CDKAL1: variants seen among roughly 807,000 people sequenced by gnomAD.
CDKAL1 encodes the protein CDKAL1 threonylcarbamoyladenosine tRNA methylthiotransferase, also known as threonylcarbamoyladenosine tRNA methylthiotransferase.
CDKAL1 carries 32 observed loss-of-function variants against 68.2 expected under a neutral mutation model. That is an observed-to-expected ratio of 0.47 (90% confidence interval 0.35 to 0.63). The LOEUF (loss-of-function observed/expected upper bound fraction) is 0.63, where lower values mean the gene tolerates loss of function less well. Ranked by LOEUF, CDKAL1 falls within the 30% of genes least tolerant of loss-of-function variation. The pLI, the probability that CDKAL1 is intolerant of heterozygous loss-of-function variation, is 0.00. For missense variants in CDKAL1, 606 were observed against 696.7 expected (o/e 0.87, Z 1.47); for synonymous variants, 234 against 244.3 (o/e 0.96, Z 0.39).
intron 6 of CDKAL1, among the ~76,000 whole-genome samples, chr6:20,745,978 A>T (rs1773648863): frequency 6.6e-6 from 1 of 152,206 alleles, no homozygotes; most frequent in Non-Finnish European, 1.5e-5. Context: ...TCTGTTATTT[A>T]ATAGGAGTAT....
chr6:20,835,288 AC>A lies in CDKAL1; in HGVS notation c.639-10785del, dbSNP rs1259644401. 2.0e-5 allele frequency among the ~76,000 whole-genome samples: 3 copies of A among 152,202 alleles called. No homozygotes were observed. The East Asian group carries it at 5.8e-4, about 29-fold the overall frequency. On this transcript the variant is annotated intron_variant, in intron 8 of 15. Coordinates refer to ENST00000274695, the MANE Select transcript of CDKAL1 (RefSeq NM_017774.3). ...GTACAGTTTATTTTGTGTCAATTTTACCTCAATAAAGCGAAGATTATTAAAA... is the reference window on the plus strand; with the variant it reads ...GTACAGTTTATTTTGTGTCAATTTTACTCAATAAAGCGAAGATTATTAAAA...
chr6:20,989,924 C>G (rs1766702594), intron 10 of CDKAL1, among the ~76,000 whole-genome samples: 1 of 152,068 alleles, frequency 6.6e-6, no homozygotes. Flanking sequence ...GATTTCTTGT[C>G]CTTAACAGAG....
At chr6:20,801,583 A>C (rs1333952429) in intron 8 of CDKAL1, among the ~76,000 whole-genome samples, 1 of 152,176 alleles carries the variant, frequency 6.6e-6, no homozygotes, top group African/African-American at 2.4e-5. Context: ...TATAGACATC[A>C]GTATTTGTAG....
rs916614182 is a variant in CDKAL1, at chr6:20,542,565, C to T, written c.-5-3781C>T. On this transcript the variant is annotated intron_variant, in intron 2 of 15. Transcript: ENST00000274695. ...TGGTAGTACTATCAGTAAGTATATA[C>T]GAGTGTATTCCCCCCCCATTTTTTT... Among the ~76,000 whole-genome samples the T allele has an allele frequency of 7.4e-5, 11 of 149,448 alleles. No homozygotes were observed. The East Asian group carries it at 1.7e-3, about 24-fold the overall frequency.
Position 20,902,311 on chromosome 6 carries a change from TCACACA to T in CDKAL1, c.743-53065_743-53060del, listed in dbSNP as rs71658260. ...TACTTAAAGAAATCACGTGGTGGAT[TCACACA>T]CACACACACACACACACACACACAC... On this transcript the variant is annotated intron_variant, in intron 9 of 15. Coordinates refer to ENST00000274695, the MANE Select transcript of CDKAL1 (RefSeq NM_017774.3). Among the ~76,000 whole-genome samples the T allele has an allele frequency of 5.2e-3, 43 of 8,214 alleles. No homozygotes were observed. The South Asian group carries it at 0.062, about 12-fold the overall frequency. 5.4% of individuals were successfully genotyped at this position (8,214 alleles called of 152,430 possible).
At chr6:20,818,224 G>A (rs1382200641) in intron 8 of CDKAL1, among the ~76,000 whole-genome samples, 1 of 152,042 alleles carries the variant, frequency 6.6e-6, no homozygotes, top group Non-Finnish European at 1.5e-5. Flanking sequence ...CTCAAACTAG[G>A]GTTAGCAGTT....
chr6:21,005,315 G>A (rs1490804140), intron 11 of CDKAL1, among the ~76,000 whole-genome samples: 1 of 152,134 alleles, frequency 6.6e-6, no homozygotes, highest in African/African-American at 2.4e-5. Flanking sequence ...ATGACAACAT[G>A]CGCAGTTCTT....
intron 10 of CDKAL1, among the ~76,000 whole-genome samples, chr6:20,987,548 T>A (rs1024622929): frequency 6.6e-6 from 1 of 152,120 alleles, no homozygotes; most frequent in Admixed American, 6.6e-5. Flanking sequence ...TGAGACACCG[T>A]GCCTGGCTAG....
intron 12 of CDKAL1, among the ~76,000 whole-genome samples, chr6:21,080,223 G>T (rs372878869): frequency 6.6e-6 from 1 of 152,148 alleles, no homozygotes; most frequent in African/African-American, 2.4e-5. Flanking sequence ...AGCCTCAGCT[G>T]TGTAGAGGGA....
At chr6:20,604,428 G>A (rs1766244198) in intron 4 of CDKAL1, among the ~76,000 whole-genome samples, 2 of 152,036 alleles carry the variant, frequency 1.3e-5, no homozygotes, top group South Asian at 4.1e-4. Context: ...CCATCATGGA[G>A]GGGGCAAAGA....
chr6:20,873,183 C>A (rs1036222842), intron 9 of CDKAL1, among the ~76,000 whole-genome samples: 1 of 151,974 alleles, frequency 6.6e-6, no homozygotes, highest in Non-Finnish European at 1.5e-5. Flanking sequence ...ATGAATAAGA[C>A]GATGTTTAAG....
At chr6:20,689,695 G>A (rs1770785415) in intron 5 of CDKAL1, among the ~76,000 whole-genome samples, 1 of 152,012 alleles carries the variant, frequency 6.6e-6, no homozygotes, top group Admixed American at 6.5e-5. Flanking sequence ...GTTGTTACTT[G>A]TTAAAGGTTT....
rs896984563 is a variant in CDKAL1 at position 20,981,754 on chromosome 6, T to C, written c.910-18473T>C. On this transcript the variant is annotated intron_variant, in intron 10 of 15. Coordinates refer to ENST00000274695, the MANE Select transcript of CDKAL1 (RefSeq NM_017774.3). ...TACTTAGGAGGCTGAGGCAGGAGAATTGCTTGAACCTGGGAGGCAGAGGTT... is the reference window on the plus strand; with the variant it reads ...TACTTAGGAGGCTGAGGCAGGAGAACTGCTTGAACCTGGGAGGCAGAGGTT... Among the ~76,000 whole-genome samples the C allele has an allele frequency of 5.3e-5, 8 of 152,254 alleles. No homozygotes were observed. The East Asian group carries it at 1.4e-3, about 26-fold the overall frequency.
intron 5 of CDKAL1, among the ~76,000 whole-genome samples, chr6:20,712,793 C>T (rs771539457): frequency 2.0e-5 from 3 of 151,976 alleles, no homozygotes; most frequent in Non-Finnish European, 4.4e-5. Flanking sequence ...TACAGGCACC[C>T]GCCACCATGC....
chr6:20,639,252 G>A (rs1768051610), intron 4 of CDKAL1, among the ~76,000 whole-genome samples: 1 of 152,114 alleles, frequency 6.6e-6, no homozygotes, highest in Non-Finnish European at 1.5e-5. Flanking sequence ...CACTCAGGGG[G>A]ACTATTTTAA....
At chr6:20,927,492 A>G (rs937986759) in intron 9 of CDKAL1, among the ~76,000 whole-genome samples, 8 of 152,190 alleles carry the variant, frequency 5.3e-5, no homozygotes, top group Non-Finnish European at 1.2e-4. Context: ...TAATAATGCA[A>G]TAGGAGTACA....
intron 10 of CDKAL1, among the ~76,000 whole-genome samples, chr6:20,995,068 T>G (rs137989751): frequency 6.6e-6 from 1 of 152,206 alleles, no homozygotes; most frequent in African/African-American, 2.4e-5. Context: ...TGCTCATCCA[T>G]AAGAAACAAC....
chr6:20,732,259 C>CTT (rs1772972813), intron 5 of CDKAL1, among the ~76,000 whole-genome samples: 1 of 88,092 alleles, frequency 1.1e-5, no homozygotes, highest in African/African-American at 4.6e-5. Flanking sequence ...TCTTTTCTTT[C>CTT]TTTCTTTTTT....
chr6:21,182,139 G>C (rs1445407659), intron 13 of CDKAL1, among the ~76,000 whole-genome samples: 5 of 152,100 alleles, frequency 3.3e-5, no homozygotes. Flanking sequence ...TAAGAAACTA[G>C]ATGAAATAAG....
Sources: allele counts gnomAD v4.1 joint callset (sites outside exome capture counted in the v4.1 genomes callset), GRCh38; gene constraint gnomAD v4.1.1; transcripts MANE v1.5; gene names NCBI Gene and HGNC (gene_info 2026-07-23, HGNC 2026-07-21).